The following ATG5 variants were observed in gnomAD, a reference collection of about 807,000 sequenced individuals.
ATG5 encodes the protein autophagy related 5, also known as autophagy protein 5.
Under a neutral mutation model 36.5 loss-of-function variants are expected in ATG5, and 14 were observed. The ratio of observed to expected loss-of-function variants is 0.38; its 90% CI spans 0.25 to 0.60. The LOEUF (loss-of-function observed/expected upper bound fraction) is 0.60. ATG5 is among the 20% of genes least tolerant of loss of function. The pLI is 0.60. For missense variants in ATG5, 195 were observed against 326.7 expected (o/e 0.60, Z 3.11); for synonymous variants, 95 against 101.5 (o/e 0.94, Z 0.38).
intron 6 of ATG5, among the ~76,000 whole-genome samples, chr6:106,241,729 C>T (rs926314695): frequency 1.3e-5 from 2 of 152,152 alleles, no homozygotes; most frequent in African/African-American, 4.8e-5. Context: ...AAAGACTGAC[C>T]TCCCTTGAGC....
At chr6:106,210,544 C>T (rs1776815062) in intron 6 of ATG5, among the ~76,000 whole-genome samples, 1 of 152,004 alleles carries the variant, frequency 6.6e-6, no homozygotes, top group African/African-American at 2.4e-5. Context: ...CAAAACTGAC[C>T]CTTCGTATTT....
chr6:106,315,390 G>A (rs958026284), intron 2 of ATG5, among the ~76,000 whole-genome samples: 2 of 152,140 alleles, frequency 1.3e-5, no homozygotes, highest in Non-Finnish European at 2.9e-5. Flanking sequence ...TCAGTGAACA[G>A]GCAGGATGTC....
rs144254313 is a variant in ATG5 at position 106,284,276 on chromosome 6, C to T, written c.316-4453G>A. On this transcript the variant is annotated intron_variant, in intron 4 of 7. Coordinates refer to ENST00000369076, the MANE Select transcript of ATG5 (RefSeq NM_004849.4). ...CAAACTGCTTTCCAAAAAGGCTACA[C>T]CATTTTACATTCTCATCAGCAACGT... Among the ~76,000 whole-genome samples the T allele has an allele frequency of 2.6e-3, 397 of 152,286 alleles. 1 individual carries two copies. Among genetic ancestry groups the T allele is most frequent in the African/African-American group, 9.1e-3 (380 of 41,552 alleles).
chr6:106,255,497 A>G (rs998054097), intron 5 of ATG5, among the ~76,000 whole-genome samples: 1 of 152,168 alleles, frequency 6.6e-6, no homozygotes, highest in African/African-American at 2.4e-5. Context: ...GTAAATTCCA[A>G]TTTCAACATC....
chr6:106,289,668 T>TA (rs35671416), intron 4 of ATG5, among the ~76,000 whole-genome samples: 102 of 151,830 alleles, frequency 6.7e-4, no homozygotes, highest in Middle Eastern at 3.4e-3. Flanking sequence ...CTGAAACATT[T>TA]AAAAAAAACA....
At position 106,201,992 on chromosome 6, in the gene ATG5, G is replaced by T. The variant is rs761736531; in HGVS notation, c.671C>A (p.Pro224His). 6.2e-7 allele frequency: 1 copy of T among 1,611,806 alleles called. No homozygotes were observed. Among genetic ancestry groups the T allele is most frequent in the African/African-American group, 1.3e-5 (1 of 74,860 alleles). ...ATTACCTTCAGGATCAATAGCAGAAGGACAAACTTCTTTGAGGAGATCTCC... is the reference window on the plus strand; with the variant it reads ...ATTACCTTCAGGATCAATAGCAGAATGACAAACTTCTTTGAGGAGATCTCC... ...TLGDLLKEVCPSAIDPEDGEK... is the reference protein window; with the variant it reads ...TLGDLLKEVCHSAIDPEDGEK... The change falls in exon 7 of 8, where the codon CCT (proline) becomes CAT (histidine). Residue 224 changes from proline (P) to histidine (H), a missense_variant. By Grantham distance (77) the Pro-to-His change is moderately conservative. Coordinates refer to ENST00000369076, the MANE Select transcript of ATG5 (RefSeq NM_004849.4).
intron 4 of ATG5, among the ~76,000 whole-genome samples, chr6:106,290,375 C>T (rs530159533): frequency 3.3e-5 from 5 of 151,876 alleles, no homozygotes; most frequent in African/African-American, 9.7e-5. Context: ...GGATGAAGTG[C>T]GGTTGTCTGA....
chr6:106,278,149 C>T (rs1022461886), intron 5 of ATG5, among the ~76,000 whole-genome samples: 4 of 152,120 alleles, frequency 2.6e-5, no homozygotes, highest in African/African-American at 9.7e-5. Context: ...CTATGTTGCC[C>T]AGGCTGGTCT....
chr6:106,207,288 T>C (rs1776670330), intron 6 of ATG5, among the ~76,000 whole-genome samples: 1 of 152,230 alleles, frequency 6.6e-6, no homozygotes, highest in African/African-American at 2.4e-5. Context: ...ACAGTGTTGA[T>C]ATAGCTCAGA....
intron 5 of ATG5, among the ~76,000 whole-genome samples, chr6:106,255,460 C>A (rs1291722626): frequency 6.6e-6 from 1 of 152,024 alleles, no homozygotes; most frequent in Admixed American, 6.6e-5. Flanking sequence ...GAAAATTAAT[C>A]TTATTAAGTA....
chr6:106,322,005 C>T (rs949237424), intron 1 of ATG5, among the ~76,000 whole-genome samples: 14 of 152,172 alleles, frequency 9.2e-5, no homozygotes, highest in Non-Finnish European at 8.8e-5. Context: ...ACTTTAAATT[C>T]GGCATATTTT....
intron 2 of ATG5, 144 bp downstream of exon 2, chr6:106,315,951 TTTATGC>T: frequency 1.6e-6 from 1 of 612,364 alleles, no homozygotes; most frequent in Middle Eastern, 3.0e-4. Context: ...TATTTCCTTC[TTTATGC>T]TTATCTGTGT....
chr6:106,316,647 T>C (rs1027759431), intron 1 of ATG5, among the ~76,000 whole-genome samples: 5 of 152,184 alleles, frequency 3.3e-5, no homozygotes, highest in Admixed American at 3.3e-4. Flanking sequence ...AGGATCATTC[T>C]CGCATTTACC....
At chr6:106,235,359 G>A (rs1381767350) in intron 6 of ATG5, among the ~76,000 whole-genome samples, 3 of 152,092 alleles carry the variant, frequency 2.0e-5, no homozygotes, top group East Asian at 1.9e-4. Flanking sequence ...GATATCGAAC[G>A]CACCCCTCCC....
intron 1 of ATG5, among the ~76,000 whole-genome samples, chr6:106,321,142 G>C (rs1771048505): frequency 6.6e-6 from 1 of 152,150 alleles, no homozygotes; most frequent in Admixed American, 6.5e-5. Context: ...TATTAGTTAC[G>C]TGTCTTGAAC....
In ATG5 at chr6:106,279,816, G is replaced by A; in HGVS notation, c.323C>T (p.Pro108Leu). The change falls in exon 5 of 8, where the codon CCA (proline) becomes CTA (leucine). Residue 108 changes from proline (P) to leucine (L), a missense_variant. Transcript: ENST00000369076. ...TGGACAGTGCAGAAGGTCTTTTTCT[G>A]GAAAACTCTATCAAAGGAAAAAATA... ...WNITVHFKSFPEKDLLHCPSK... is the reference protein window; with the variant it reads ...WNITVHFKSFLEKDLLHCPSK... 5.4e-6 allele frequency: 8 copies of A among 1,491,272 alleles called. No individual in the cohort carries two copies. The highest frequency in any genetic ancestry group is 4.8e-5 in the East Asian group (2 of 41,828). 92.4% of individuals were successfully genotyped at this position (1,491,272 alleles called of 1,614,324 possible).
At chr6:106,266,086 A>C (rs1779218688) in intron 5 of ATG5, among the ~76,000 whole-genome samples, 1 of 152,110 alleles carries the variant, frequency 6.6e-6, no homozygotes, top group Admixed American at 6.5e-5. Flanking sequence ...AAGATTAACA[A>C]AATAGACCAC....
chr6:106,245,181 T>C (rs1033645362), intron 6 of ATG5, among the ~76,000 whole-genome samples: 1 of 152,234 alleles, frequency 6.6e-6, no homozygotes, highest in Admixed American at 6.5e-5. Context: ...AGATGGCTTT[T>C]GGACCAATTC....
chr6:106,320,859 T>C (rs1204868954), intron 1 of ATG5, among the ~76,000 whole-genome samples: 1 of 152,166 alleles, frequency 6.6e-6, no homozygotes, highest in Non-Finnish European at 1.5e-5. Flanking sequence ...CTGGTAGCAG[T>C]GCACAGAAGG....
Sources: gnomAD v4.1 joint callset for allele counts (sites outside exome capture counted in the v4.1 genomes callset) on GRCh38, gnomAD v4.1.1 for gene constraint, MANE v1.5 for transcripts, NCBI Gene and HGNC (gene_info 2026-07-23, HGNC 2026-07-21) for gene names.